Variants in ZNF630 observed in about 807,000 individuals in gnomAD.
ZNF630 encodes the protein dJ54B20.2 (novel KRAB box containing C2H2 type zinc finger protein).
ZNF630 carries 5 observed loss-of-function variants against 7.2 expected under a neutral mutation model. The ratio of observed to expected loss-of-function variants is 0.70; its 90% CI spans 0.36 to 1.46. ZNF630 has a LOEUF of 1.46. Ranked by LOEUF, ZNF630 falls within the 40% of genes most tolerant of loss-of-function variation. The pLI, the probability that ZNF630 is intolerant of heterozygous loss-of-function variation, is 0.03. For missense variants in ZNF630, 461 were observed against 477.0 expected, an observed-to-expected ratio of 0.97 and a Z score of 0.31; for synonymous variants, 158 against 162.8, an observed-to-expected ratio of 0.97 and a Z score of 0.23.
intron 1 of ZNF630, among the ~76,000 whole-genome samples, chrX:48,069,841 G>GTTTTTTTTTTT (rs1210374790): frequency 2.1e-3 from 88 of 41,046 alleles, no homozygotes; most frequent in Admixed American, 7.4e-3. Flanking sequence ...GACATTGTCT[G>GTTTTTTTTTTT]TTTTTTTTTT....
At chrX:48,063,409 A>G (rs1408523823) in intron 2 of ZNF630, among the ~76,000 whole-genome samples, 1 of 111,595 alleles carries the variant, frequency 9.0e-6, no homozygotes, top group Non-Finnish European at 1.9e-5. Context: ...AAAGATGCTG[A>G]AGCTTATTTA....
intron 2 of ZNF630, among the ~76,000 whole-genome samples, chrX:48,062,513 C>G (rs59163312): frequency 0.078 from 8,726 of 112,111 alleles, 550 homozygotes; most frequent in African/African-American, 0.2. Context: ...GCAGGTGGAT[C>G]ACTTGAGGTC....
chrX:48,069,627 T>C (rs2059149722), intron 1 of ZNF630, among the ~76,000 whole-genome samples: 1 of 110,928 alleles, frequency 9.0e-6, no homozygotes, highest in African/African-American at 3.3e-5. Context: ...GGCCCTGCTA[T>C]TATCCTCATT....
rs781845165 is a variant in ZNF630, at chrX:48,059,008, T to C, written c.1434A>G (p.Gln478=). 8.3e-7 allele frequency: 1 copy of C among 1,204,160 alleles called. No homozygotes were observed. Among genetic ancestry groups the C allele is most frequent in the Non-Finnish European group, 1.1e-6 (1 of 891,433 alleles). ...FSQKSHLTGH[Q]RLHTGEKPYM... is the part of the protein sequence containing the mutation. Reference sequence around the variant, plus strand: ...AAGGTTTCTCTCCAGTATGAAGTCTTTGATGGCCAGTGAGGTGTGACTTCT... The same window carrying C: ...AAGGTTTCTCTCCAGTATGAAGTCTCTGATGGCCAGTGAGGTGTGACTTCT... Residue 478 remains glutamine (Q), a synonymous_variant, in exon 5 of 5, where the codon CAA becomes CAG. Transcript: ENST00000276054.
At chrX:48,061,551 C>A (rs1208614536) in intron 2 of ZNF630, among the ~76,000 whole-genome samples, 3 of 111,645 alleles carry the variant, frequency 2.7e-5, no homozygotes, top group African/African-American at 9.8e-5. Context: ...AAGAAAAAGA[C>A]CAATAACTTT....
rs781789653 is a variant in ZNF630, at chrX:48,060,179, G to A, written c.263C>T (p.Ser88Phe). Residue 88 changes from serine (S) to phenylalanine (F), a missense_variant, in exon 5 of 5, where the codon TCC (serine) becomes TTC (phenylalanine). Coordinates refer to ENST00000276054, the MANE Select transcript of ZNF630 (RefSeq NM_001282201.2). The stretch of plus-strand genomic sequence containing the variant: ...AAGTTCTCCAGAAATGATCTGCTGG[G>A]AAGATTCAAGGCCTTTCACTCTGTC... The part of the protein sequence containing the change: ...YPDRVKGLES[S>F]QQIISGELLF... 2 of 1,150,413 alleles carry A rather than the reference G, an allele frequency of 1.7e-6. No homozygotes were observed. Among genetic ancestry groups the A allele is most frequent in the Non-Finnish European group, 1.2e-6 (1 of 864,641 alleles). 94.8% of individuals were successfully genotyped at this position (1,150,413 alleles called of 1,213,427 possible). A position where few individuals can be genotyped will look rare whatever the true frequency, so the allele number is the denominator to read the frequency against.
chrX:48,066,649 T>C (rs1002871999), intron 2 of ZNF630: 1 of 417,069 alleles, frequency 2.4e-6, no homozygotes, highest in Non-Finnish European at 4.2e-6. Context: ...TTATTGATCA[T>C]GTTATGTTAC....
chrX:48,058,928 T>C lies in ZNF630; in HGVS notation c.1514A>G (p.His505Arg), dbSNP rs1308877460. The C allele has an allele frequency of 3.3e-6, 4 of 1,208,533 alleles. No homozygotes were observed. The highest frequency in any genetic ancestry group is 2.2e-6 in the Non-Finnish European group (2 of 893,246). ...TTTCTCCCCTGTATGAATTCTCTGG[T>C]GTATGATAAGAGGTGATTTCTGAGA... ...SFSQKSPLIIHQRIHTGEKPY... is the reference protein window; with the variant it reads ...SFSQKSPLIIRQRIHTGEKPY... The change falls in exon 5 of 5, where the codon CAC (histidine) becomes CGC (arginine). Residue 505 changes from histidine (H) to arginine (R), a missense_variant. Coordinates refer to ENST00000276054, the MANE Select transcript of ZNF630 (RefSeq NM_001282201.2).
At chrX:48,070,542 G>A (rs1444099469) in intron 1 of ZNF630, among the ~76,000 whole-genome samples, 1 of 106,336 alleles carries the variant, frequency 9.4e-6, no homozygotes, top group East Asian at 3.0e-4. Context: ...GAACCCAGGA[G>A]GTGGAGGTTG....
intron 1 of ZNF630, among the ~76,000 whole-genome samples, chrX:48,069,197 C>T (rs1238910243): frequency 3.8e-5 from 4 of 105,909 alleles, no homozygotes; most frequent in East Asian, 3.0e-4. Flanking sequence ...GCTGAGATCA[C>T]GCCATTGCAC....
At position 48,058,012 on chromosome X, in the gene ZNF630, C is replaced by T. The variant is rs2059077714; in HGVS notation, c.*456G>A. ...TGGAGGTTGCAGTGAGCCAAGATCA[C>T]GCCACTGCACTCCAGCCTGGGTAAC... On this transcript the variant is annotated 3_prime_UTR_variant, in exon 5 of 5. Coordinates refer to ENST00000276054, the MANE Select transcript of ZNF630 (RefSeq NM_001282201.2). 9.0e-6 allele frequency among the ~76,000 whole-genome samples: 1 copy of T among 110,811 alleles called. No individual in the cohort carries two copies. The highest frequency in any genetic ancestry group is 2.8e-4 in the East Asian group (1 of 3,547).
chrX:48,066,888 TTC>T lies in ZNF630; in HGVS notation c.-4_-3del. The T allele has an allele frequency of 8.3e-7, 1 of 1,208,041 alleles. No homozygotes were observed. Among genetic ancestry groups the T allele is most frequent in the South Asian group, 1.8e-5 (1 of 56,765 alleles). ...ATAACTTACCTGGGACTCAATCATT[TTC>T]TGTTTCTCTTTGGAAAGCAGTTGGG... On this transcript the variant is annotated 5_prime_UTR_variant, in exon 2 of 5. Transcript: ENST00000276054.
At chrX:48,066,740 G>T in intron 2 of ZNF630, 132 bp downstream of exon 2, 2 of 824,084 alleles carry the variant, frequency 2.4e-6, no homozygotes, top group Non-Finnish European at 3.5e-6. Context: ...AAGGCCAGGT[G>T]ATCTGTGTAT....
At chrX:48,060,984 T>A (rs782489745) in intron 2 of ZNF630, 39 bp from the exon 3 acceptor site, 3 of 1,152,763 alleles carry the variant, frequency 2.6e-6, no homozygotes, top group Non-Finnish European at 3.5e-6. Flanking sequence ...CTCGTTCTGG[T>A]CATTTTTACC....
intron 1 of ZNF630, among the ~76,000 whole-genome samples, chrX:48,068,145 AAGGAAGGGAGGG>A (rs1235098099): frequency 1.0e-5 from 1 of 96,960 alleles, no homozygotes; most frequent in Non-Finnish European, 2.1e-5. Context: ...GGAAGGCAGG[AAGGAAGGGAGGG>A]AGGGAGGAAG....
intron 2 of ZNF630, among the ~76,000 whole-genome samples, chrX:48,064,389 A>G (rs2059120440): frequency 8.9e-6 from 1 of 112,029 alleles, no homozygotes; most frequent in Non-Finnish European, 1.9e-5. Flanking sequence ...AATGTAGATC[A>G]GGACATAGCA....
At position 48,058,852 on chromosome X, in the gene ZNF630, G is replaced by T; in HGVS notation, c.1590C>A (p.Leu530=). The T allele has an allele frequency of 8.3e-7, 1 of 1,206,821 alleles. No homozygotes were observed. Among genetic ancestry groups the T allele is most frequent in the Non-Finnish European group, 1.1e-6 (1 of 892,158 alleles). The change falls in exon 5 of 5, where the codon CTC becomes CTA. Residue 530 remains leucine (L), a synonymous_variant. Coordinates refer to ENST00000276054, the MANE Select transcript of ZNF630 (RefSeq NM_001282201.2). The part of the protein sequence containing the change: ...CGKTFSQKSL[L]IIHLRVHTGE... The stretch of plus-strand genomic sequence containing the variant: ...CTGTGTGAACTCTCAGATGAATAAT[G>T]AGGAGTGATTTCTGGGAGAAGGTTT...
intron 2 of ZNF630, among the ~76,000 whole-genome samples, chrX:48,062,044 G>A (rs987522438): frequency 2.7e-5 from 3 of 111,669 alleles, no homozygotes; most frequent in Non-Finnish European, 5.6e-5. Context: ...AGACAAGACA[G>A]CATTTTTCCC....
At chrX:48,063,290 A>C (rs1254138165) in intron 2 of ZNF630, among the ~76,000 whole-genome samples, 26 of 108,759 alleles carry the variant, frequency 2.4e-4, no homozygotes, top group Middle Eastern at 4.7e-3. Context: ...AAAAGTTTGC[A>C]ATGTGCACTT....
Sources: allele counts gnomAD v4.1 joint callset (sites outside exome capture counted in the v4.1 genomes callset), GRCh38; gene constraint gnomAD v4.1.1; transcripts MANE v1.5; gene names NCBI Gene and HGNC (gene_info 2026-07-23, HGNC 2026-07-21).